The following TJP1 variants were observed in gnomAD, a reference collection of about 807,000 sequenced individuals.
TJP1 encodes the protein tight junction protein 1.
In TJP1, 43 loss-of-function variants were observed where a neutral mutation model predicts 194.2. The observed-to-expected ratio is 0.22, with a 90% CI of 0.17 to 0.29. The LOEUF is 0.29. Among genes scored for constraint, TJP1 ranks in the 10% least tolerant of loss-of-function variants. TJP1 has a pLI of 1.00. For missense variants in TJP1, 1,971 were observed against 2,185.7 expected (o/e 0.90, Z 1.96); for synonymous variants, 801 against 779.0 (o/e 1.03, Z -0.47).
At chr15:29,850,093 C>T (rs1248924642) in intron 2 of TJP1, among the ~76,000 whole-genome samples, 1 of 152,108 alleles carries the variant, frequency 6.6e-6, no homozygotes, top group Non-Finnish European at 1.5e-5. Flanking sequence ...CTGGAGTTAA[C>T]CTGAGAGCAG....
intron 2 of TJP1, among the ~76,000 whole-genome samples, chr15:29,847,114 T>C (rs2051442402): frequency 6.6e-6 from 1 of 152,084 alleles, no homozygotes; most frequent in East Asian, 1.9e-4. Context: ...GTTTATTTAA[T>C]TTTTTTGAGA....
chr15:29,828,158 T>G (rs1438408394), intron 2 of TJP1, among the ~76,000 whole-genome samples: 1 of 152,198 alleles, frequency 6.6e-6, no homozygotes, highest in Non-Finnish European at 1.5e-5. Context: ...TATGTATGTG[T>G]GGAGACAGAG....
chr15:29,746,369 C>A (rs1313950460), intron 8 of TJP1, among the ~76,000 whole-genome samples: 3 of 150,890 alleles, frequency 2.0e-5, no homozygotes, highest in Non-Finnish European at 4.4e-5. Context: ...CAGAGTGAGA[C>A]TCCGTCTCAA....
rs2050440635 is a variant in TJP1 at position 29,822,222 on chromosome 15, C to T, written c.-194G>A. On this transcript the variant is annotated 5_prime_UTR_variant, in exon 1 of 28. Coordinates refer to ENST00000614355, the MANE Select transcript of TJP1 (RefSeq NM_001330239.4). ...AAAAGTCCGGGAAGCGCCCGCCCCGCCCGGGTCTTCTCCACGGGGCGCGCC... is the reference window on the plus strand; with the variant it reads ...AAAAGTCCGGGAAGCGCCCGCCCCGTCCGGGTCTTCTCCACGGGGCGCGCC... 8.5e-7 allele frequency: 1 copy of T among 1,178,438 alleles called. No individual in the cohort carries two copies. Among genetic ancestry groups the T allele is most frequent in the East Asian group, 3.5e-5 (1 of 28,188 alleles). The allele number at this position is 1,178,438 out of a possible 1,614,324, so 73.0% of individuals were successfully genotyped here. A position where few individuals can be genotyped will look rare whatever the true frequency, so the allele number is the denominator to read the frequency against.
intron 1 of TJP1, among the ~76,000 whole-genome samples, chr15:29,813,131 G>A (rs1025528938): frequency 3.3e-5 from 5 of 152,070 alleles, no homozygotes; most frequent in South Asian, 2.1e-4. Flanking sequence ...TGTGGCTTTT[G>A]GTGGTCTGAT....
chr15:29,869,341 T>C (rs1469841949), intron 2 of TJP1, among the ~76,000 whole-genome samples: 2 of 152,208 alleles, frequency 1.3e-5, no homozygotes, highest in Admixed American at 6.5e-5. Flanking sequence ...ATACTGTTTA[T>C]TTCATCCATC....
intron 2 of TJP1, among the ~76,000 whole-genome samples, chr15:29,871,357 C>T (rs1423428087): frequency 6.6e-6 from 1 of 152,212 alleles, no homozygotes; most frequent in Non-Finnish European, 1.5e-5. Flanking sequence ...GCTGTGGTAG[C>T]TAATCAAAAA....
chr15:29,818,818 C>T (rs904758594), intron 1 of TJP1, among the ~76,000 whole-genome samples: 1 of 151,262 alleles, frequency 6.6e-6, no homozygotes, highest in African/African-American at 2.4e-5. Flanking sequence ...TTTTTTCCTT[C>T]ATTACTTTTT....
chr15:29,720,281 A>AT, intron 19 of TJP1, 77 bp downstream of exon 19: 1 of 1,283,510 alleles, frequency 7.8e-7, no homozygotes, highest in South Asian at 1.5e-5. Context: ...CAACATATAT[A>AT]TTTTTAACTC....
At chr15:29,799,055 T>C (rs559997000) in intron 2 of TJP1, among the ~76,000 whole-genome samples, 1 of 152,352 alleles carries the variant, frequency 6.6e-6, no homozygotes, top group South Asian at 2.1e-4. Flanking sequence ...GAAGTTGTCT[T>C]GTATTTTAAT....
intron 2 of TJP1, among the ~76,000 whole-genome samples, chr15:29,830,388 CA>C: frequency 6.7e-6 from 1 of 149,692 alleles, no homozygotes; most frequent in Admixed American, 6.7e-5. Context: ...TATATTAGTA[CA>C]TTTTACGTCT....
At chr15:29,931,043 T>C (rs2054693318) in intron 2 of TJP1, among the ~76,000 whole-genome samples, 2 of 152,156 alleles carry the variant, frequency 1.3e-5, no homozygotes, top group South Asian at 4.1e-4. Context: ...AGCCTCCTGT[T>C]GACCAGAAGC....
At chr15:29,961,142 T>C (rs1157489145) in intron 1 of TJP1, among the ~76,000 whole-genome samples, 1 of 152,118 alleles carries the variant, frequency 6.6e-6, no homozygotes, top group Non-Finnish European at 1.5e-5. Context: ...ACATGGAATA[T>C]AAATTCTTTT....
chr15:29,961,343 T>TTC (rs1364062160), intron 1 of TJP1, among the ~76,000 whole-genome samples: 3 of 139,760 alleles, frequency 2.1e-5, no homozygotes, highest in African/African-American at 8.0e-5. Flanking sequence ...TCTTTTTTTT[T>TTC]TTTTTTTTTT....
intron 2 of TJP1, among the ~76,000 whole-genome samples, chr15:29,903,607 G>A (rs2053705023): frequency 6.6e-6 from 1 of 152,050 alleles, no homozygotes; most frequent in Non-Finnish European, 1.5e-5. Flanking sequence ...ACCACGCCCG[G>A]CTAATTTTTT....
intron 2 of TJP1, among the ~76,000 whole-genome samples, chr15:29,902,027 A>C (rs2053650494): frequency 6.6e-6 from 1 of 152,166 alleles, no homozygotes; most frequent in African/African-American, 2.4e-5. Context: ...GAAGCCACAA[A>C]TATTAACCCT....
intron 2 of TJP1, among the ~76,000 whole-genome samples, chr15:29,854,994 G>C (rs2051791921): frequency 6.6e-6 from 1 of 152,078 alleles, no homozygotes; most frequent in Non-Finnish European, 1.5e-5. Flanking sequence ...TAATTAATAA[G>C]CAATCTGCAA....
chr15:29,839,838 G>T (rs2152064152), intron 2 of TJP1, among the ~76,000 whole-genome samples: 1 of 152,258 alleles, frequency 6.6e-6, no homozygotes, highest in African/African-American at 2.4e-5. Context: ...TTCCAGTGTG[G>T]CTGTCTCATT....
chr15:29,720,731 A>G, intron 18 of TJP1, 23 bp from the exon 19 acceptor site: 1 of 1,540,450 alleles, frequency 6.5e-7, no homozygotes, highest in Non-Finnish European at 8.8e-7. Context: ...AAAGTAAATT[A>G]CAAATTTTAT....
Sources: gnomAD v4.1 joint callset for allele counts (sites outside exome capture counted in the v4.1 genomes callset) on GRCh38, gnomAD v4.1.1 for gene constraint, MANE v1.5 for transcripts, NCBI Gene and HGNC (gene_info 2026-07-23, HGNC 2026-07-21) for gene names.